The following USB1 variants were observed in gnomAD, a reference collection of about 807,000 sequenced individuals.
The protein encoded by USB1 is U6 snRNA biogenesis phosphodiesterase 1, also known as U6 snRNA phosphodiesterase 1.
USB1 carries 21 observed loss-of-function variants against 29.9 expected under a neutral mutation model. The observed-to-expected ratio is 0.70, with a 90% confidence interval of 0.50 to 1.01. The LOEUF is 1.01. USB1 is among the 50% of genes least tolerant of loss of function. USB1 has a pLI of 0.00. For missense variants in USB1, 330 were observed against 347.1 expected, an observed-to-expected ratio of 0.95 and a Z score of 0.39; for synonymous variants, 143 against 134.9, an observed-to-expected ratio of 1.06 and a Z score of -0.42.
In USB1 at chr16:58,010,085, T is replaced by C; in HGVS notation, c.422T>C (p.Leu141Pro). 1.2e-6 allele frequency: 2 copies of C among 1,614,150 alleles called. No individual in the cohort carries two copies. Among genetic ancestry groups the C allele is most frequent in the Non-Finnish European group, 1.7e-6 (2 of 1,180,020 alleles). The change falls in exon 3 of 7, where the codon CTG becomes CCG. Residue 141 changes from leucine to proline, a missense_variant. Leu to Pro is a moderately conservative substitution (Grantham distance 98). Transcript: ENST00000219281. ...HHWILPFVQA[L>P]KARMTSFHRF... is the part of the protein sequence containing the mutation. ...TGGATCCTCCCCTTCGTGCAGGCTC[T>C]GAAAGCCCGTATGACCTCCTTCCAC...
intron 5 of USB1, 56 bp downstream of exon 5, chr16:58,017,495 G>A (rs1383168607): frequency 5.2e-6 from 8 of 1,533,960 alleles, no homozygotes; most frequent in Admixed American, 3.4e-5. Flanking sequence ...GAATAAAACT[G>A]TCTTTAAAGA....
chr16:58,008,441 C>T lies in USB1; in HGVS notation c.266-1488C>T, dbSNP rs1963410231. ...GAAACTCAGATGATTGACTTTAGAT[C>T]TTTTTCTTTTTCTTTTTTTTTTTTT... is the stretch of plus-strand genomic sequence containing the variant. On this transcript the variant is annotated intron_variant, in intron 2 of 6. Transcript: ENST00000219281. Among the ~76,000 whole-genome samples the T allele has an allele frequency of 3.0e-5, 4 of 134,310 alleles. No homozygotes were observed. The South Asian group carries it at 7.3e-4, about 25-fold the overall frequency. The allele number at this position is 134,310 out of a possible 152,430, so 88.1% of individuals were successfully genotyped here.
intron 2 of USB1, among the ~76,000 whole-genome samples, chr16:58,006,216 G>T (rs1963350014): frequency 6.6e-6 from 1 of 151,986 alleles, no homozygotes; most frequent in Admixed American, 6.6e-5. Context: ...GCCAGCCGTG[G>T]TGGGACATGC....
intron 2 of USB1, among the ~76,000 whole-genome samples, chr16:58,009,159 C>T (rs907494863): frequency 6.6e-6 from 1 of 152,166 alleles, no homozygotes; most frequent in Non-Finnish European, 1.5e-5. Flanking sequence ...GGTAAACAGG[C>T]CTGTATGAAT....
In USB1 at chr16:58,002,591, G is replaced by A. The variant is rs1963249685; in HGVS notation, c.211G>A (p.Val71Met). The change falls in exon 2 of 7, where the codon GTG becomes ATG. Residue 71 changes from valine to methionine, a missense_variant. By Grantham distance (21) the Val-to-Met change is conservative. Transcript: ENST00000219281. ...TGACAGCACAAAACACGGGGGACGG[G>A]TGCGCACCTTCCCCCACGAGCGAGG... is the stretch of plus-strand genomic sequence containing the variant. ...EDDSTKHGGRVRTFPHERGNW... is the reference protein window; with the variant it reads ...EDDSTKHGGRMRTFPHERGNW... The A allele has an allele frequency of 6.2e-7, 1 of 1,614,058 alleles. No individual in the cohort carries two copies.
chr16:58,001,534 G>T lies in USB1; in HGVS notation c.51G>T (p.Glu17Asp), dbSNP rs1390047468. 1 of 1,609,452 alleles carries T rather than the reference G, an allele frequency of 6.2e-7. No individual in the cohort carries two copies. The highest frequency in any genetic ancestry group is 1.7e-5 in the Admixed American group (1 of 59,654). ...ACAGCAGCAGCGGCTCCGAGGATGA[G>T]TCCGAGGACGGGATGCGGACCAGGC... ...VGYSSSGSEDESEDGMRTRPG... is the reference protein window; with the variant it reads ...VGYSSSGSEDDSEDGMRTRPG... Residue 17 changes from glutamate to aspartate, a missense_variant, in exon 1 of 7, where the codon GAG (glutamate) becomes GAT (aspartate). Glu to Asp is a conservative substitution (Grantham distance 45). Coordinates refer to ENST00000219281, the MANE Select transcript of USB1 (RefSeq NM_024598.4).
intron 2 of USB1, among the ~76,000 whole-genome samples, chr16:58,006,991 T>C (rs1025055155): frequency 2.0e-5 from 3 of 152,256 alleles, no homozygotes; most frequent in African/African-American, 7.2e-5. Flanking sequence ...TTTTCTCCTT[T>C]AGCCTATTGA....
intron 3 of USB1, chr16:58,012,554 G>C (rs1418642065): frequency 7.4e-5 from 102 of 1,378,636 alleles, no homozygotes; most frequent in Non-Finnish European, 9.4e-5. Context: ...CCCGGCTAAT[G>C]GTGTACCAGC....
At chr16:58,000,012 G>T (rs1487922389), upstream of USB1, among the ~76,000 whole-genome samples, 2 of 152,258 alleles carry the variant, frequency 1.3e-5, no homozygotes, top group African/African-American at 2.4e-5. This position sits in a 1 kb window ranked among gnomAD's most constrained non-coding sequence, Gnocchi z 4.5. Flanking sequence ...GGAGAGAGGA[G>T]GCAAGGAGAG....
intron 1 of USB1, 101 bp from the exon 2 acceptor site, chr16:58,002,378 C>A: frequency 6.4e-7 from 1 of 1,565,656 alleles, no homozygotes. Flanking sequence ...AACACACACT[C>A]AGAGCCACCA....
intron 2 of USB1, among the ~76,000 whole-genome samples, chr16:58,006,094 T>C (rs1963345882): frequency 6.6e-6 from 1 of 152,206 alleles, no homozygotes; most frequent in Non-Finnish European, 1.5e-5. Context: ...GGCTCACACC[T>C]GTAATCCCAG....
At chr16:58,010,962 G>C (rs777518348) in intron 3 of USB1, 8 of 700,376 alleles carry the variant, frequency 1.1e-5, no homozygotes, top group African/African-American at 1.7e-5. Flanking sequence ...GGGAGGGTAG[G>C]GGGTGGGGCT....
chr16:58,002,172 TG>T (rs1282612295), intron 1 of USB1, among the ~76,000 whole-genome samples: 1 of 152,238 alleles, frequency 6.6e-6, no homozygotes, highest in Non-Finnish European at 1.5e-5. Flanking sequence ...GGACATGACT[TG>T]CCCAAGGTCA....
chr16:58,020,278 G>T lies in USB1; in HGVS notation c.*33G>T, dbSNP rs1296812869. The T allele has an allele frequency of 4.4e-6, 7 of 1,602,532 alleles. No homozygotes were observed. Among genetic ancestry groups the T allele is most frequent in the Non-Finnish European group, 6.0e-6 (7 of 1,169,804 alleles). ...AGGCCTTCCTCCTCCAGGGCCCTCT[G>T]CAGACCAGGCTGAGATGGAGGAACC... On this transcript the variant is annotated 3_prime_UTR_variant, in exon 7 of 7. Coordinates refer to ENST00000219281, the MANE Select transcript of USB1 (RefSeq NM_024598.4).
chr16:58,021,336 C>G lies in USB1; in HGVS notation c.*1091C>G, dbSNP rs1963735403. 6.6e-6 allele frequency: 1 copy of G among 152,268 alleles called. No homozygotes were observed. Among genetic ancestry groups the G allele is most frequent in the Non-Finnish European group, 1.5e-5 (1 of 68,060 alleles). The allele number at this position is 152,268 out of a possible 1,614,324, so 9.4% of individuals were successfully genotyped here. A position where few individuals can be genotyped will look rare whatever the true frequency, so the allele number is the denominator to read the frequency against. ...AAGCCAGGCCTCCAATGCACTGTGA[C>G]CTCTGGCTTCCCCAGCAGCTTTCCC... On this transcript the variant is annotated 3_prime_UTR_variant, in exon 7 of 7. Transcript: ENST00000219281.
rs1418981242 is a variant in USB1 at position 58,013,725 on chromosome 16, A to G, written c.450-548A>G. On this transcript the variant is annotated intron_variant, in intron 3 of 6. Transcript: ENST00000219281. The surrounding 1 kb of genome is among the most constrained non-coding windows in gnomAD (Gnocchi z 4.3). ...AGACTGACTGTTCCAATCCTGGCTC[A>G]CCAAATTCAGCTTCACCATGCCTCT... 1.5e-6 allele frequency: 1 copy of G among 681,050 alleles called. No individual in the cohort carries two copies. Among genetic ancestry groups the G allele is most frequent in the Admixed American group, 5.8e-5 (1 of 17,366 alleles). The allele number at this position is 681,050 out of a possible 1,614,324, so 42.2% of individuals were successfully genotyped here.
In USB1 at chr16:58,021,282, T is replaced by C. The variant is rs1463055444; in HGVS notation, c.*1037T>C. On this transcript the variant is annotated 3_prime_UTR_variant, in exon 7 of 7. Coordinates refer to ENST00000219281, the MANE Select transcript of USB1 (RefSeq NM_024598.4). ...AGGTGCCTGGGGAGACTTGAGCAGA[T>C]GTTTCATTTTGGCCTGGCCAGTGGC... The C allele has an allele frequency of 6.6e-6, 1 of 152,286 alleles. No homozygotes were observed. Among genetic ancestry groups the C allele is most frequent in the Non-Finnish European group, 1.5e-5 (1 of 68,060 alleles). 9.4% of individuals were successfully genotyped at this position (152,286 alleles called of 1,614,324 possible). A position where few individuals can be genotyped will look rare whatever the true frequency, so the allele number is the denominator to read the frequency against.
rs2142302137 is a variant in USB1, at chr16:58,009,940, G to A, written c.277G>A (p.Glu93Lys). 2 of 1,613,806 alleles carry A rather than the reference G, an allele frequency of 1.2e-6. No individual in the cohort carries two copies. Among genetic ancestry groups the A allele is most frequent in the Non-Finnish European group, 1.7e-6 (2 of 1,179,956 alleles). ...THVYVPYEAK[E>K]EFLDLLDVLL... Reference sequence around the variant, plus strand: ...CTCCTCCCCTCCAGATGAAGCCAAGGAGGAGTTCCTGGATCTGCTTGATGT... The same window carrying A: ...CTCCTCCCCTCCAGATGAAGCCAAGAAGGAGTTCCTGGATCTGCTTGATGT... The change falls in exon 3 of 7, where the codon GAG (glutamate) becomes AAG (lysine). Residue 93 changes from glutamate (E) to lysine (K), a missense_variant. Glu to Lys is a moderately conservative substitution (Grantham distance 56). Coordinates refer to ENST00000219281, the MANE Select transcript of USB1 (RefSeq NM_024598.4).
intron 2 of USB1, among the ~76,000 whole-genome samples, chr16:58,007,850 G>T (rs1282897963): frequency 1.3e-5 from 2 of 152,112 alleles, no homozygotes; most frequent in Non-Finnish European, 2.9e-5. Flanking sequence ...ATGCTTGGTG[G>T]CGGGTGCCTG....
Sources: allele counts gnomAD v4.1 joint callset (sites outside exome capture counted in the v4.1 genomes callset), GRCh38; gene constraint gnomAD v4.1.1; non-coding constraint Gnocchi (gnomAD v3.1); transcripts MANE v1.5; gene names NCBI Gene and HGNC (gene_info 2026-07-23, HGNC 2026-07-21).